The following CFAP57 variants were observed in gnomAD, a reference collection of about 807,000 sequenced individuals.
The protein encoded by CFAP57 is cilia- and flagella-associated protein 57.
In CFAP57, 116 loss-of-function variants were observed where a neutral mutation model predicts 146.8. That is an observed-to-expected ratio of 0.79 (90% confidence interval 0.68 to 0.92). The LOEUF (loss-of-function observed/expected upper bound fraction) is 0.92. Ranked by LOEUF, CFAP57 falls within the 40% of genes least tolerant of loss-of-function variation. The probability of loss-of-function intolerance (pLI) is 0.00; values close to 1 mark genes in which losing one functional copy is unlikely to be tolerated. For synonymous variants in CFAP57, 518 were observed against 552.8 expected (o/e 0.94, Z 0.88); for missense variants, 1,377 against 1,527.2 (o/e 0.90, Z 1.64).
rs761997956 is a variant in CFAP57 at position 43,185,348 on chromosome 1, G to T, written c.961G>T (p.Glu321Ter). 2 of 1,613,890 alleles carry T rather than the reference G, an allele frequency of 1.2e-6. No individual in the cohort carries two copies. The highest frequency in any genetic ancestry group is 1.7e-6 in the Non-Finnish European group (2 of 1,179,982). ...EEKDFYRESR[E>*]IRIPVDPQSN... is the part of the protein sequence containing the mutation. ...AAAGGATTTTTACCGTGAGAGCAGA[G>T]AAATCAGGGTAAGGCGGGAAGAAAA... The change falls in exon 5 of 23, where the codon GAA becomes TAA. Residue 321 changes from glutamate to a stop codon, truncating the protein, a stop_gained. Transcript: ENST00000372492. LOFTEE classifies it high-confidence loss of function.
At chr1:43,232,179 T>C (rs1425126185) in intron 18 of CFAP57, 1 of 670,832 alleles carries the variant, frequency 1.5e-6, no homozygotes, top group East Asian at 2.7e-5. Context: ...GAGTTGAGGT[T>C]CTAGTGCTTG....
chr1:43,174,293 A>C (rs554498231), intron 2 of CFAP57, among the ~76,000 whole-genome samples: 1 of 152,306 alleles, frequency 6.6e-6, no homozygotes, highest in East Asian at 1.9e-4. Context: ...TATCAACCAC[A>C]TAATATTCTG....
chr1:43,172,588 G>A lies in CFAP57; in HGVS notation c.-20+135G>A, dbSNP rs1432262970. The A allele has an allele frequency of 2.8e-5, 21 of 748,070 alleles. No individual in the cohort carries two copies. In the African/African-American group the frequency reaches 3.5e-4, roughly 12 times the overall value. 46.3% of individuals were successfully genotyped at this position (748,070 alleles called of 1,614,324 possible). On this transcript the variant is annotated intron_variant, in intron 1 of 22. Transcript: ENST00000372492. Reference sequence around the variant, plus strand: ...GGGGGAGGGGAAAGGGGAGGGACAAGGGGAGGGGAAAGGGGAGGGACAAGG... The same window carrying A: ...GGGGGAGGGGAAAGGGGAGGGACAAAGGGAGGGGAAAGGGGAGGGACAAGG...
rs528534402 is a variant in CFAP57, at chr1:43,183,673, C to T, written c.557C>T (p.Thr186Ile). ...AAGCTTCTCCGTTTTGCTGAGGGAA[C>T]CCTGAAGCAAACCAGCTTTCAGAGG... ...MFKLLRFAEG[T>I]LKQTSFQRGE... Residue 186 changes from threonine to isoleucine, a missense_variant, in exon 4 of 23, where the codon ACC becomes ATC. By Grantham distance (89) the Thr-to-Ile change is moderately conservative. Transcript: ENST00000372492. 1.1e-5 allele frequency: 17 copies of T among 1,614,084 alleles called. No individual in the cohort carries two copies. Among genetic ancestry groups the T allele is most frequent in the Non-Finnish European group, 4.2e-6 (5 of 1,180,038 alleles).
chr1:43,198,584 A>C lies in CFAP57; in HGVS notation c.1366A>C (p.Met456Leu). The C allele has an allele frequency of 6.2e-7, 1 of 1,614,174 alleles. No individual in the cohort carries two copies. Among genetic ancestry groups the C allele is most frequent in the Non-Finnish European group, 8.5e-7 (1 of 1,180,030 alleles). The change falls in exon 8 of 23, where the codon ATG becomes CTG. Residue 456 changes from methionine to leucine, a missense_variant. Met to Leu is a conservative substitution (Grantham distance 15). Transcript: ENST00000372492. ...AGGGTTTGCTGACAAACTACGCCTC[A>C]TGAATCTACTCATTGATGATATACG... Reference protein sequence around the residue: ...VVGFADKLRLMNLLIDDIRSF... With the variant: ...VVGFADKLRLLNLLIDDIRSF...
At chr1:43,230,519 C>T (rs1018632212) in intron 18 of CFAP57, among the ~76,000 whole-genome samples, 2 of 152,190 alleles carry the variant, frequency 1.3e-5, no homozygotes, top group African/African-American at 4.8e-5. Flanking sequence ...TGACCTAGCT[C>T]AGCCAGCCTC....
At chr1:43,243,455 T>A in intron 22 of CFAP57, 96 bp downstream of exon 22, 1 of 1,335,394 alleles carries the variant, frequency 7.5e-7, no homozygotes, top group Non-Finnish European at 9.8e-7. Context: ...CTGTATCAGG[T>A]CCCATCTACA....
Position 43,172,473 on chromosome 1 carries a change from G to A in CFAP57, c.-20+20G>A. The A allele has an allele frequency of 1.3e-6, 2 of 1,541,870 alleles. No homozygotes were observed. Among genetic ancestry groups the A allele is most frequent in the East Asian group, 2.5e-5 (1 of 40,710 alleles). ...CGAAAGGTGGGAGGGGGTACCTGGG[G>A]GTCGCCAGAAGGAGCTGGTAGCAGT... On this transcript the variant is annotated intron_variant, in intron 1 of 22. Transcript: ENST00000372492.
chr1:43,191,671 T>TA (rs1643542148), intron 6 of CFAP57, among the ~76,000 whole-genome samples: 1 of 151,968 alleles, frequency 6.6e-6, no homozygotes, highest in African/African-American at 2.4e-5. Flanking sequence ...CATTTTTTTT[T>TA]ATCTCTTTAA....
chr1:43,242,453 T>A (rs76746287), intron 21 of CFAP57, among the ~76,000 whole-genome samples: 8 of 151,472 alleles, frequency 5.3e-5, no homozygotes, highest in Non-Finnish European at 1.2e-4. Flanking sequence ...GAATGGTTGG[T>A]TGGATGGATG....
At chr1:43,182,129 A>G (rs969928886) in intron 3 of CFAP57, among the ~76,000 whole-genome samples, 4 of 152,190 alleles carry the variant, frequency 2.6e-5, no homozygotes, top group Non-Finnish European at 5.9e-5. Flanking sequence ...CTGGCCCAGA[A>G]CTGCTTTCTG....
chr1:43,230,428 T>C (rs1365980293), intron 18 of CFAP57, among the ~76,000 whole-genome samples: 1 of 152,162 alleles, frequency 6.6e-6, no homozygotes, highest in African/African-American at 2.4e-5. Flanking sequence ...CCACTCCTGG[T>C]CTAAGCCTTC....
In CFAP57 at chr1:43,197,566, A is replaced by G; in HGVS notation, c.1136A>G (p.His379Arg). The change falls in exon 7 of 23, where the codon CAC (histidine) becomes CGC (arginine). Residue 379 changes from histidine (H) to arginine (R), a missense_variant. Coordinates refer to ENST00000372492, the MANE Select transcript of CFAP57 (RefSeq NM_001378189.1). ...TGATTTCTCTAGGGGGAGCCTGCTC[A>G]CTTTGAGTATTTGATGTATCCATTG... ...LTEISKGEPA[H>R]FEYLMYPLHS... 6.2e-7 allele frequency: 1 copy of G among 1,614,090 alleles called. No individual in the cohort carries two copies. The highest frequency in any genetic ancestry group is 8.5e-7 in the Non-Finnish European group (1 of 1,180,018).
intron 17 of CFAP57, among the ~76,000 whole-genome samples, chr1:43,226,713 G>A (rs921642014): frequency 5.3e-5 from 8 of 152,250 alleles, no homozygotes; most frequent in Non-Finnish European, 8.8e-5. Flanking sequence ...GGGAGATGCT[G>A]TGGGGGCCAT....
At chr1:43,204,179 G>A (rs4660248) in intron 9 of CFAP57, among the ~76,000 whole-genome samples, 120,061 of 152,142 alleles carry the variant, frequency 0.79, 47,615 homozygotes, top group East Asian at 1. Context: ...TTTGATTTTT[G>A]AACTAATTTC....
chr1:43,191,160 T>G (rs945742993), intron 6 of CFAP57, among the ~76,000 whole-genome samples: 1 of 152,254 alleles, frequency 6.6e-6, no homozygotes, highest in Non-Finnish European at 1.5e-5. Context: ...CTATTTAGAT[T>G]GTCTATTTCT....
chr1:43,179,320 A>G (rs1645296678), intron 2 of CFAP57, among the ~76,000 whole-genome samples: 1 of 152,202 alleles, frequency 6.6e-6, no homozygotes, highest in Non-Finnish European at 1.5e-5. Context: ...AGAGGCGAAA[A>G]TGTTTTAAGG....
At position 43,181,666 on chromosome 1, in the gene CFAP57, G is replaced by A. The variant is rs565680657; in HGVS notation, c.290G>A (p.Arg97His). 3.4e-5 allele frequency: 55 copies of A among 1,614,156 alleles called. No homozygotes were observed. The highest frequency in any genetic ancestry group is 1.6e-4 in the Middle Eastern group (1 of 6,062). Residue 97 changes from arginine (R) to histidine (H), a missense_variant, in exon 3 of 23, where the codon CGC becomes CAC. Coordinates refer to ENST00000372492, the MANE Select transcript of CFAP57 (RefSeq NM_001378189.1). ...YELSSIPCRKRKVLNNFDFQV... is the reference protein window; with the variant it reads ...YELSSIPCRKHKVLNNFDFQV... ...TTGTCATCCATCCCTTGCCGGAAGC[G>A]CAAAGTTCTTAATAATTTTGACTTC...
At chr1:43,247,114 T>A (rs1051910554) in intron 22 of CFAP57, among the ~76,000 whole-genome samples, 8 of 152,210 alleles carry the variant, frequency 5.3e-5, no homozygotes, top group Non-Finnish European at 1.0e-4. Flanking sequence ...CAATATATAA[T>A]GTACTATTTC....
Sources: gnomAD v4.1 joint callset for allele counts (sites outside exome capture counted in the v4.1 genomes callset) on GRCh38, gnomAD v4.1.1 for gene constraint, MANE v1.5 for transcripts, NCBI Gene and HGNC (gene_info 2026-07-23, HGNC 2026-07-21) for gene names.